Variants in PEMT observed in about 807,000 individuals in gnomAD.
The protein encoded by PEMT is phosphatidylethanolamine N-methyltransferase.
In PEMT, 23 loss-of-function variants were observed where a neutral mutation model predicts 27.4. The observed-to-expected ratio is 0.84, with a 90% confidence interval of 0.60 to 1.19. The LOEUF (loss-of-function observed/expected upper bound fraction) is 1.19, where lower values mean the gene tolerates loss of function less well. Ranked by LOEUF, PEMT falls within the 50% of genes most tolerant of loss-of-function variation. PEMT has a pLI of 0.00. For synonymous variants in PEMT, 137 were observed against 139.1 expected, an observed-to-expected ratio of 0.98 and a Z score of 0.11; for missense variants, 307 against 310.1, an observed-to-expected ratio of 0.99 and a Z score of 0.07.
intron 3 of PEMT, among the ~76,000 whole-genome samples, chr17:17,515,186 C>T (rs1376755125): frequency 6.6e-6 from 1 of 152,226 alleles, no homozygotes; most frequent in African/African-American, 2.4e-5. Context: ...ACCCCATGCT[C>T]AGGGTTCCTC....
intron 2 of PEMT, among the ~76,000 whole-genome samples, chr17:17,543,223 A>G (rs1051503418): frequency 1.3e-5 from 2 of 152,230 alleles, no homozygotes; most frequent in African/African-American, 2.4e-5. Flanking sequence ...CTGACCGTCC[A>G]CTGCCAGGGC....
intron 2 of PEMT, among the ~76,000 whole-genome samples, chr17:17,545,981 G>A (rs930803692): frequency 3.9e-5 from 6 of 152,164 alleles, no homozygotes; most frequent in African/African-American, 1.4e-4. Flanking sequence ...AGGAGGCCAC[G>A]ACTGACCTTC....
rs1396011818 is a variant in PEMT at position 17,545,583 on chromosome 17, CAG to C, written c.205-23190_205-23189del. ...TGAGTCTTGGCTTCAACTCCTACAC[CAG>C]AGACGGCCTCCTCTGCTCTTTCTGC... On this transcript the variant is annotated intron_variant, in intron 2 of 6. Transcript: ENST00000255389. Among the ~76,000 whole-genome samples the C allele has an allele frequency of 3.3e-5, 5 of 152,348 alleles. No homozygotes were observed. In the East Asian group the frequency reaches 5.8e-4, roughly 18 times the overall value.
chr17:17,528,410 G>A (rs923235440), intron 2 of PEMT, among the ~76,000 whole-genome samples: 1 of 152,206 alleles, frequency 6.6e-6, no homozygotes, highest in Non-Finnish European at 1.5e-5. Flanking sequence ...TGAATCCCAC[G>A]TGGGGCTACC....
Position 17,512,645 on chromosome 17 carries a change from C to T in PEMT, c.330G>A (p.Gln110=). The change falls in exon 4 of 7, where the codon CAG becomes CAA. Residue 110 remains glutamine (Q), a synonymous_variant. Coordinates refer to ENST00000255389, the MANE Select transcript of PEMT (RefSeq NM_148172.3). The surrounding 1 kb of genome is among the most constrained non-coding windows in gnomAD (Gnocchi z 6.3). Reference sequence around the variant, plus strand: ...CCATCCTGGGCTGGCTCAGCATGGCCTGCGTGAAGCTGTGGGCAGGGGATG... The same window carrying T: ...CCATCCTGGGCTGGCTCAGCATGGCTTGCGTGAAGCTGTGGGCAGGGGATG... ...LNFLRSHCFT[Q]AMLSQPRMES... 2 of 1,533,950 alleles carry T rather than the reference C, an allele frequency of 1.3e-6. No homozygotes were observed. The highest frequency in any genetic ancestry group is 1.2e-5 in the South Asian group (1 of 80,872).
chr17:17,512,893 C>T lies in PEMT; in HGVS notation c.321-239G>A, dbSNP rs1421280523. On this transcript the variant is annotated intron_variant, in intron 3 of 6. Coordinates refer to ENST00000255389, the MANE Select transcript of PEMT (RefSeq NM_148172.3). This position sits in a 1 kb window ranked among gnomAD's most constrained non-coding sequence, Gnocchi z 6.3. ...AATTTTTTCAAGAGAAGCCAGAAAT[C>T]CTGACTCGTATGTGAAATATCCTAA... 2.6e-5 allele frequency among the ~76,000 whole-genome samples: 4 copies of T among 152,186 alleles called. No homozygotes were observed. The highest frequency in any genetic ancestry group is 5.9e-5 in the Non-Finnish European group (4 of 68,030).
intron 2 of PEMT, among the ~76,000 whole-genome samples, chr17:17,537,586 C>T (rs1238872959): frequency 6.6e-6 from 1 of 152,246 alleles, no homozygotes; most frequent in Non-Finnish European, 1.5e-5. Context: ...GCTGATTAGT[C>T]ATGCTCTGCA....
intron 2 of PEMT, among the ~76,000 whole-genome samples, chr17:17,526,088 C>T (rs1165919168): frequency 6.6e-6 from 1 of 152,182 alleles, no homozygotes; most frequent in Non-Finnish European, 1.5e-5. Context: ...GACCTGGAAC[C>T]CTAATGCAAC....
chr17:17,579,536 G>A (rs1455535560), intron 1 of PEMT, among the ~76,000 whole-genome samples: 1 of 152,150 alleles, frequency 6.6e-6, no homozygotes, highest in African/African-American at 2.4e-5. Flanking sequence ...AAATTAGCTG[G>A]GCGTGGTGGT....
chr17:17,543,861 C>A (rs1172700246), intron 2 of PEMT, among the ~76,000 whole-genome samples: 1 of 152,244 alleles, frequency 6.6e-6, no homozygotes, highest in South Asian at 2.1e-4. Flanking sequence ...CGGCGCCCAG[C>A]CAGCTCATGC....
chr17:17,514,713 G>T (rs1906685227), intron 3 of PEMT, among the ~76,000 whole-genome samples: 1 of 152,224 alleles, frequency 6.6e-6, no homozygotes, highest in Non-Finnish European at 1.5e-5. Context: ...CACCCAGTGT[G>T]GTGCCACGAT....
intron 5 of PEMT, chr17:17,507,233 A>T: frequency 6.7e-7 from 1 of 1,500,152 alleles, no homozygotes; most frequent in Non-Finnish European, 9.1e-7. Flanking sequence ...AGGGAGGAAG[A>T]GAGGAAGGAG....
intron 1 of PEMT, 105 bp downstream of exon 1, chr17:17,591,426 C>A: frequency 1.1e-6 from 1 of 939,466 alleles, no homozygotes; most frequent in Non-Finnish European, 1.6e-6. Context: ...TGCCTGGGAA[C>A]TGGCGGCCCC....
At chr17:17,544,751 G>C (rs1909134426) in intron 2 of PEMT, among the ~76,000 whole-genome samples, 3 of 152,154 alleles carry the variant, frequency 2.0e-5, no homozygotes, top group Admixed American at 2.0e-4. Flanking sequence ...GAACAGGGCG[G>C]CTTTCTCCAC....
rs956672739 is a variant in PEMT at position 17,561,128 on chromosome 17, A to G, written c.204+15792T>C. Among the ~76,000 whole-genome samples the G allele has an allele frequency of 6.6e-6, 1 of 151,966 alleles. No homozygotes were observed. Among genetic ancestry groups the G allele is most frequent in the Non-Finnish European group, 1.5e-5 (1 of 68,008 alleles). The stretch of plus-strand genomic sequence containing the variant: ...ATGATGGGCAGGACCCACACACACC[A>G]CAGTCATCAAACATTCACTGGGCAC... On this transcript the variant is annotated intron_variant, in intron 2 of 6. Coordinates refer to ENST00000255389, the MANE Select transcript of PEMT (RefSeq NM_148172.3). The surrounding 1 kb of genome is among the most constrained non-coding windows in gnomAD (Gnocchi z 4.5).
intron 2 of PEMT, among the ~76,000 whole-genome samples, chr17:17,564,795 G>A (rs1910713346): frequency 6.6e-6 from 1 of 152,182 alleles, no homozygotes; most frequent in Non-Finnish European, 1.5e-5. Context: ...CAAGCAAGAG[G>A]CTGTGACGTC....
chr17:17,529,346 T>C (rs565757755), intron 2 of PEMT, among the ~76,000 whole-genome samples: 5 of 152,280 alleles, frequency 3.3e-5, no homozygotes, highest in Non-Finnish European at 5.9e-5. Context: ...CTCCAGGACA[T>C]AGGACCAGTG....
At chr17:17,515,118 C>G (rs12103822) in intron 3 of PEMT, among the ~76,000 whole-genome samples, 5,855 of 152,216 alleles carry the variant, frequency 0.038, 351 homozygotes, top group African/African-American at 0.13. Context: ...TCACTCTGGA[C>G]GGAGACTCTG....
intron 2 of PEMT, among the ~76,000 whole-genome samples, chr17:17,567,332 AC>A (rs1910894577): frequency 6.6e-6 from 1 of 152,248 alleles, no homozygotes; most frequent in African/African-American, 2.4e-5. Context: ...TTGCTCAGGC[AC>A]CACAATTCTA....
Sources: allele counts gnomAD v4.1 joint callset (sites outside exome capture counted in the v4.1 genomes callset), GRCh38; gene constraint gnomAD v4.1.1; non-coding constraint Gnocchi (gnomAD v3.1); transcripts MANE v1.5; gene names NCBI Gene and HGNC (gene_info 2026-07-23, HGNC 2026-07-21).